Variants in RAB31 observed in about 807,000 individuals in gnomAD.
RAB31 encodes ras-related protein Rab-31.
In RAB31, 21 loss-of-function variants were observed where a neutral mutation model predicts 25.6. The ratio of observed to expected loss-of-function variants is 0.82; its 90% CI spans 0.58 to 1.18. The LOEUF (loss-of-function observed/expected upper bound fraction) is 1.18. Among genes scored for constraint, RAB31 ranks in the 50% most tolerant of loss-of-function variants. The probability of loss-of-function intolerance (pLI) is 0.00; values close to 1 mark genes in which losing one functional copy is unlikely to be tolerated. For synonymous variants in RAB31, 87 were observed against 84.0 expected (o/e 1.04, Z -0.20); for missense variants, 196 against 250.1 (o/e 0.78, Z 1.46).
chr18:9,733,020 C>T (rs2068131348), intron 1 of RAB31, among the ~76,000 whole-genome samples: 1 of 152,204 alleles, frequency 6.6e-6, no homozygotes. Context: ...GCACCTGGCT[C>T]TGGATGCTGA....
intron 1 of RAB31, among the ~76,000 whole-genome samples, chr18:9,760,285 T>C (rs1217107488): frequency 1.3e-5 from 2 of 152,072 alleles, no homozygotes; most frequent in East Asian, 3.9e-4. Flanking sequence ...GCGATCCTCC[T>C]ACCCAAGCCT....
At chr18:9,734,124 G>A (rs2068138076) in intron 1 of RAB31, among the ~76,000 whole-genome samples, 1 of 136,594 alleles carries the variant, frequency 7.3e-6, no homozygotes, top group African/African-American at 2.6e-5. Context: ...GGGAGGGAGG[G>A]AGGAAGGCTA....
chr18:9,734,158 C>T (rs1189823934), intron 1 of RAB31, among the ~76,000 whole-genome samples: 1 of 151,534 alleles, frequency 6.6e-6, no homozygotes, highest in Non-Finnish European at 1.5e-5. Flanking sequence ...CACTCAGGTC[C>T]TCAGGTACAT....
At chr18:9,858,931 G>GC (rs910130912) in intron 6 of RAB31, among the ~76,000 whole-genome samples, 3 of 152,138 alleles carry the variant, frequency 2.0e-5, no homozygotes, top group African/African-American at 4.8e-5. Flanking sequence ...GATGGGAGCT[G>GC]CCCCCAGGAG....
rs143010040 is a variant in RAB31, at chr18:9,734,392, A to T, written c.39+25948A>T. ...AGCGATTGTGTTGTGAAGCCACCAC[A>T]CCCGCTGCCTTTCCTGAACACGGAC... On this transcript the variant is annotated intron_variant, in intron 1 of 6. Transcript: ENST00000578921. 5.9e-3 allele frequency among the ~76,000 whole-genome samples: 891 copies of T among 152,248 alleles called. 6 individuals carry two copies. Among genetic ancestry groups the T allele is most frequent in the Admixed American group, 0.011 (166 of 15,292 alleles).
intron 5 of RAB31, among the ~76,000 whole-genome samples, chr18:9,838,090 A>G (rs1394553649): frequency 1.3e-5 from 2 of 152,212 alleles, no homozygotes; most frequent in Non-Finnish European, 2.9e-5. Flanking sequence ...TGTGCCCGGC[A>G]TTATTCTGAG....
intron 6 of RAB31, among the ~76,000 whole-genome samples, chr18:9,855,289 C>G (rs1047760717): frequency 3.3e-5 from 5 of 152,096 alleles, no homozygotes; most frequent in African/African-American, 1.2e-4. Flanking sequence ...TAGACAGCAT[C>G]TTACAAAATC....
chr18:9,811,782 A>G (rs1316911525), intron 3 of RAB31, among the ~76,000 whole-genome samples: 10 of 152,202 alleles, frequency 6.6e-5, no homozygotes, highest in Admixed American at 6.5e-4. Context: ...ATAAATGATA[A>G]ATTATATGCT....
chr18:9,725,776 C>T (rs1465582485), intron 1 of RAB31, among the ~76,000 whole-genome samples: 1 of 152,152 alleles, frequency 6.6e-6, no homozygotes, highest in Non-Finnish European at 1.5e-5. Flanking sequence ...TGGTCAGGTT[C>T]TTTGGAGTTA....
chr18:9,768,645 T>C (rs1026584256), intron 1 of RAB31, among the ~76,000 whole-genome samples: 1 of 152,204 alleles, frequency 6.6e-6, no homozygotes, highest in Non-Finnish European at 1.5e-5. Flanking sequence ...ATTCTGTAAG[T>C]TGCCTGTTCA....
chr18:9,821,012 T>C (rs1306983742), intron 5 of RAB31, among the ~76,000 whole-genome samples: 1 of 152,112 alleles, frequency 6.6e-6, no homozygotes, highest in Non-Finnish European at 1.5e-5. Context: ...AATGTAGGCA[T>C]TTATAGTTAT....
chr18:9,833,162 C>T (rs1006895068), intron 5 of RAB31, among the ~76,000 whole-genome samples: 11 of 152,346 alleles, frequency 7.2e-5, no homozygotes, highest in Admixed American at 2.0e-4. Flanking sequence ...GATCTTCTTC[C>T]GTGAGAAAAT....
chr18:9,851,584 G>T (rs925723027), intron 6 of RAB31, among the ~76,000 whole-genome samples: 4 of 152,184 alleles, frequency 2.6e-5, no homozygotes, highest in Non-Finnish European at 5.9e-5. Context: ...AGGCTCCGGG[G>T]CACATGCTCT....
Position 9,861,886 on chromosome 18 carries a change from C to T in RAB31, c.*2561C>T, listed in dbSNP as rs2068850147. On this transcript the variant is annotated 3_prime_UTR_variant, in exon 7 of 7. Coordinates refer to ENST00000578921, the MANE Select transcript of RAB31 (RefSeq NM_006868.4). ...TGTTAATATAAAGTAGGCATGGCTT[C>T]CCAATGGAAATCTCTGAGAATGACA... The T allele has an allele frequency of 6.6e-6, 1 of 152,540 alleles. No individual in the cohort carries two copies. The allele number at this position is 152,540 out of a possible 1,614,324, so 9.4% of individuals were successfully genotyped here.
At chr18:9,723,278 C>A (rs1401082761) in intron 1 of RAB31, among the ~76,000 whole-genome samples, 1 of 152,066 alleles carries the variant, frequency 6.6e-6, no homozygotes, top group Non-Finnish European at 1.5e-5. Flanking sequence ...AAACTCCTGA[C>A]CTCAGGTGAT....
intron 1 of RAB31, among the ~76,000 whole-genome samples, chr18:9,734,191 C>G (rs1302891828): frequency 6.6e-6 from 1 of 152,040 alleles, no homozygotes; most frequent in Non-Finnish European, 1.5e-5. Flanking sequence ...CTATCGCACT[C>G]TATATACTGA....
chr18:9,737,425 G>A (rs1435994972), intron 1 of RAB31, among the ~76,000 whole-genome samples: 1 of 152,164 alleles, frequency 6.6e-6, no homozygotes, highest in Non-Finnish European at 1.5e-5. Context: ...TTGTAGTAGA[G>A]GCTGAGTCGG....
intron 2 of RAB31, chr18:9,787,223 C>A: frequency 4.6e-6 from 1 of 219,034 alleles, no homozygotes; most frequent in East Asian, 1.1e-4. Context: ...TCTATTCTTC[C>A]TTACACAAGA....
intron 1 of RAB31, among the ~76,000 whole-genome samples, chr18:9,729,015 T>A (rs978858957): frequency 1.3e-5 from 2 of 152,216 alleles, no homozygotes; most frequent in African/African-American, 2.4e-5. Context: ...CTGGGTTGTT[T>A]TTGTTACTGA....
Sources: gnomAD v4.1 joint callset for allele counts (sites outside exome capture counted in the v4.1 genomes callset) on GRCh38, gnomAD v4.1.1 for gene constraint, MANE v1.5 for transcripts, NCBI Gene and HGNC (gene_info 2026-07-23, HGNC 2026-07-21) for gene names.